The following RGS7 variants were observed in gnomAD, a reference collection of about 807,000 sequenced individuals.
The protein encoded by RGS7 is regulator of G-protein signaling 7.
A neutral mutation model predicts 81.1 loss-of-function variants in RGS7; 27 were observed. The observed-to-expected ratio is 0.33, with a 90% CI of 0.25 to 0.46. The LOEUF (loss-of-function observed/expected upper bound fraction) is 0.46, where lower values mean the gene tolerates loss of function less well. Ranked by LOEUF, RGS7 falls within the 20% of genes least tolerant of loss-of-function variation. The probability of loss-of-function intolerance (pLI) is 1.00; values close to 1 mark genes in which losing one functional copy is unlikely to be tolerated. For missense variants in RGS7, 396 were observed against 607.4 expected, an observed-to-expected ratio of 0.65 and a Z score of 3.66; for synonymous variants, 208 against 207.7, an observed-to-expected ratio of 1.00 and a Z score of -0.01.
intron 18 of RGS7, among the ~76,000 whole-genome samples, chr1:240,776,617 G>A (rs1264632142): frequency 1.3e-5 from 2 of 152,174 alleles, no homozygotes; most frequent in African/African-American, 2.4e-5. Context: ...GAAAGATAAT[G>A]TGAGTGCATT....
At chr1:241,292,918 T>C (rs907377756) in intron 2 of RGS7, among the ~76,000 whole-genome samples, 1 of 152,238 alleles carries the variant, frequency 6.6e-6, no homozygotes, top group African/African-American at 2.4e-5. Context: ...TTACAATGCA[T>C]TCATATATTT....
At chr1:240,865,622 G>T (rs572795045) in intron 9 of RGS7, among the ~76,000 whole-genome samples, 7 of 152,188 alleles carry the variant, frequency 4.6e-5, no homozygotes, top group Admixed American at 4.6e-4. Context: ...CTGAGCTATA[G>T]AAATACCTAT....
At chr1:241,220,160 G>T (rs1451920021) in intron 2 of RGS7, among the ~76,000 whole-genome samples, 1 of 152,158 alleles carries the variant, frequency 6.6e-6, no homozygotes, top group Non-Finnish European at 1.5e-5. Flanking sequence ...TGGAGAAAAT[G>T]TATTTGTTAT....
intron 3 of RGS7, among the ~76,000 whole-genome samples, chr1:241,005,623 C>A (rs1024212322): frequency 6.6e-6 from 1 of 151,062 alleles, no homozygotes; most frequent in African/African-American, 2.4e-5. Context: ...GCAACTCTGC[C>A]TCCCAGGTTC....
intron 2 of RGS7, among the ~76,000 whole-genome samples, chr1:241,349,007 A>AATT (rs2083075725): frequency 1.4e-4 from 2 of 14,764 alleles, no homozygotes; most frequent in East Asian, 0.024. Context: ...AATAAGATAA[A>AATT]ATGATAATAA....
rs555130620 is a variant in RGS7, at chr1:240,973,099, C to T, written c.226+9980G>A. Among the ~76,000 whole-genome samples, 19 of 151,322 alleles carry T rather than the reference C, an allele frequency of 1.3e-4. No individual in the cohort carries two copies. The East Asian group carries it at 3.7e-3, about 30-fold the overall frequency. On this transcript the variant is annotated intron_variant, in intron 4 of 18. Transcript: ENST00000440928. ...CAGGGTACAGGTTGTACCTACTGTG[C>T]TTTTATTTCAAGGTTTTTGTGTGAC...
At chr1:241,055,415 T>C (rs1198061461) in intron 3 of RGS7, among the ~76,000 whole-genome samples, 2 of 152,220 alleles carry the variant, frequency 1.3e-5, no homozygotes, top group Non-Finnish European at 2.9e-5. Flanking sequence ...ACACTTTCAC[T>C]TATGGTCATT....
intron 6 of RGS7, among the ~76,000 whole-genome samples, chr1:240,906,418 T>C (rs1012187118): frequency 3.6e-4 from 55 of 152,304 alleles, no homozygotes; most frequent in African/African-American, 1.3e-3. Flanking sequence ...CATCTCGTGG[T>C]ATGAACCAAG....
chr1:240,961,866 CAGAGAGAAAA>C (rs1681497959), intron 4 of RGS7, among the ~76,000 whole-genome samples: 1 of 150,758 alleles, frequency 6.6e-6, no homozygotes, highest in South Asian at 2.1e-4. Context: ...TATGCAAGCT[CAGAGAGAAAA>C]AGAGAGAAGA....
At chr1:241,107,205 C>T (rs1352586083) in intron 2 of RGS7, among the ~76,000 whole-genome samples, 1 of 152,172 alleles carries the variant, frequency 6.6e-6, no homozygotes, top group African/African-American at 2.4e-5. Flanking sequence ...CTAGAGTCCT[C>T]TCTTAGTTCT....
chr1:241,294,546 C>G (rs1273704942), intron 2 of RGS7, among the ~76,000 whole-genome samples: 1 of 152,118 alleles, frequency 6.6e-6, no homozygotes, highest in Admixed American at 6.5e-5. Context: ...AATTTAGTAT[C>G]GCCTAAGTGC....
Position 241,318,703 on chromosome 1 carries a change from C to T in RGS7, c.78+36996G>A, listed in dbSNP as rs565000779. Among the ~76,000 whole-genome samples, 247 of 152,132 alleles carry T rather than the reference C, an allele frequency of 1.6e-3. 11 individuals carry two copies. In the South Asian group the frequency reaches 0.049, roughly 30 times the overall value. ...GTTGGTCAGGCTGGTCTCGAACTCCCGACCTCAGGTGATCCACCTGCCTCG... is the reference window on the plus strand; with the variant it reads ...GTTGGTCAGGCTGGTCTCGAACTCCTGACCTCAGGTGATCCACCTGCCTCG... On this transcript the variant is annotated intron_variant, in intron 2 of 18. Coordinates refer to ENST00000440928, the MANE Select transcript of RGS7 (RefSeq NM_001364886.1).
chr1:240,855,247 G>A (rs1365527219), intron 9 of RGS7, among the ~76,000 whole-genome samples: 22 of 142,032 alleles, frequency 1.5e-4, no homozygotes, highest in African/African-American at 5.3e-4. Flanking sequence ...TTTAACAAGC[G>A]CGTCCATAGA....
At chr1:241,303,495 T>C (rs1236238442) in intron 2 of RGS7, among the ~76,000 whole-genome samples, 1 of 152,232 alleles carries the variant, frequency 6.6e-6, no homozygotes, top group Admixed American at 6.5e-5. Flanking sequence ...AAGAATGGAC[T>C]AATGCACCAT....
At chr1:241,314,006 G>C (rs2080711011) in intron 2 of RGS7, among the ~76,000 whole-genome samples, 1 of 152,130 alleles carries the variant, frequency 6.6e-6, no homozygotes, top group East Asian at 1.9e-4. Context: ...ATGAGGACTT[G>C]CTTCTTATGA....
intron 3 of RGS7, among the ~76,000 whole-genome samples, chr1:241,064,081 GC>G (rs1558663897): frequency 6.6e-6 from 1 of 151,692 alleles, no homozygotes; most frequent in Non-Finnish European, 1.5e-5. Context: ...TACGAGGGAG[GC>G]TGAGGCAGGA....
chr1:241,248,440 C>T (rs554978209), intron 2 of RGS7, among the ~76,000 whole-genome samples: 142 of 148,100 alleles, frequency 9.6e-4, no homozygotes, highest in African/African-American at 3.4e-3. Flanking sequence ...ATAATCTCTG[C>T]CTTTTGGAAA....
At chr1:241,013,608 G>T (rs2059082802) in intron 3 of RGS7, among the ~76,000 whole-genome samples, 1 of 152,202 alleles carries the variant, frequency 6.6e-6, no homozygotes, top group South Asian at 2.1e-4. Flanking sequence ...CTGCACTAGG[G>T]ATCTGAAAGG....
chr1:241,313,453 G>A (rs1238094965), intron 2 of RGS7, among the ~76,000 whole-genome samples: 1 of 152,148 alleles, frequency 6.6e-6, no homozygotes, highest in Admixed American at 6.5e-5. Context: ...GGACTCTTAA[G>A]AATTATGCTA....
Sources: gnomAD v4.1 joint callset for allele counts (sites outside exome capture counted in the v4.1 genomes callset) on GRCh38, gnomAD v4.1.1 for gene constraint, MANE v1.5 for transcripts, NCBI Gene and HGNC (gene_info 2026-07-23, HGNC 2026-07-21) for gene names.